The following ZFR variants were observed in gnomAD, a reference collection of about 807,000 sequenced individuals.
ZFR encodes zinc finger RNA-binding protein.
In ZFR, 19 loss-of-function variants were observed where a neutral mutation model predicts 130.7. The observed-to-expected ratio is 0.15, with a 90% confidence interval of 0.10 to 0.21. The LOEUF (loss-of-function observed/expected upper bound fraction) is 0.21. ZFR is among the 10% of genes least tolerant of loss of function. The pLI, the probability that ZFR is intolerant of heterozygous loss-of-function variation, is 1.00. For missense variants in ZFR, 872 were observed against 1,321.5 expected (o/e 0.66, Z 5.27); for synonymous variants, 466 against 456.9 (o/e 1.02, Z -0.25).
chr5:32,395,122 A>G (rs1753272063), intron 11 of ZFR, 37 bp downstream of exon 11: 3 of 1,540,544 alleles, frequency 1.9e-6, no homozygotes, highest in Non-Finnish European at 2.6e-6. Context: ...AGAAAGGCTG[A>G]ACCACTTACC....
chr5:32,402,001 AT>A (rs772068869), intron 8 of ZFR, among the ~76,000 whole-genome samples: 1 of 152,232 alleles, frequency 6.6e-6, no homozygotes, highest in Non-Finnish European at 1.5e-5. Flanking sequence ...ATGGGTTAGA[AT>A]GAGACACATT....
chr5:32,377,196 C>A lies in ZFR; in HGVS notation c.2835+1919G>T, dbSNP rs552229951. 2.0e-5 allele frequency among the ~76,000 whole-genome samples: 3 copies of A among 146,830 alleles called. No homozygotes were observed. In the East Asian group the frequency reaches 6.1e-4, roughly 30 times the overall value. On this transcript the variant is annotated intron_variant, in intron 17 of 19. Coordinates refer to ENST00000265069, the MANE Select transcript of ZFR (RefSeq NM_016107.5). ...AAAAAAAAAAGTGGTAACTTTCCTT[C>A]TCTTTCTTTATTTCTCTTTCTCTCT...
intron 2 of ZFR, among the ~76,000 whole-genome samples, chr5:32,430,079 C>CAGAAA (rs376909635): frequency 1.1e-3 from 78 of 70,308 alleles, no homozygotes; most frequent in Non-Finnish European, 1.8e-3. Flanking sequence ...GACCCTATTT[C>CAGAAA]AAAAAAAAAA....
intron 19 of ZFR, among the ~76,000 whole-genome samples, chr5:32,357,119 A>C (rs562395093): frequency 1.3e-5 from 2 of 151,904 alleles, no homozygotes; most frequent in South Asian, 4.2e-4. Context: ...AGTAGCCAGG[A>C]ACACAGGCTC....
chr5:32,400,346 C>G, intron 8 of ZFR, 143 bp from the exon 9 acceptor site: 1 of 577,966 alleles, frequency 1.7e-6, no homozygotes, highest in Non-Finnish European at 2.7e-6. Context: ...TTTTGAAGAA[C>G]TACATAAACT....
intron 6 of ZFR, among the ~76,000 whole-genome samples, chr5:32,404,818 CTCT>C (rs1452363512): frequency 6.6e-6 from 1 of 151,916 alleles, no homozygotes; most frequent in Admixed American, 6.6e-5. Context: ...CAAATGGTTC[CTCT>C]GTTACTCTTT....
chr5:32,378,065 G>T (rs1487427619), intron 17 of ZFR, among the ~76,000 whole-genome samples: 1 of 152,174 alleles, frequency 6.6e-6, no homozygotes, highest in Admixed American at 6.5e-5. Flanking sequence ...ACAGTGTAAA[G>T]AATATAATTA....
At chr5:32,373,674 A>C (rs1752730586) in intron 17 of ZFR, among the ~76,000 whole-genome samples, 1 of 152,210 alleles carries the variant, frequency 6.6e-6, no homozygotes, top group South Asian at 2.1e-4. Flanking sequence ...CTGATTTTGA[A>C]GAGACAAAAA....
chr5:32,388,734 A>AT (rs967080741), intron 12 of ZFR, 60 bp from the exon 13 acceptor site: 1 of 1,371,408 alleles, frequency 7.3e-7, no homozygotes, highest in Non-Finnish European at 1.0e-6. Flanking sequence ...AGCAAATTAT[A>AT]TTTTTCAACT....
At chr5:32,427,460 A>G (rs191459451) in intron 2 of ZFR, among the ~76,000 whole-genome samples, 1 of 152,192 alleles carries the variant, frequency 6.6e-6, no homozygotes, top group East Asian at 1.9e-4. Context: ...CGTGTGTATT[A>G]AAAACTACAA....
At chr5:32,379,019 G>T (rs1443631644) in intron 17 of ZFR, 96 bp downstream of exon 17, 1 of 869,710 alleles carries the variant, frequency 1.1e-6, no homozygotes, top group Non-Finnish European at 1.8e-6. Flanking sequence ...TTTAGTAAAT[G>T]CAAATAAGGC....
intron 5 of ZFR, among the ~76,000 whole-genome samples, chr5:32,409,382 C>T (rs555127372): frequency 1.3e-5 from 2 of 152,148 alleles, no homozygotes; most frequent in South Asian, 2.1e-4. Context: ...GGTTGTTAAG[C>T]TGTACTGAGT....
chr5:32,393,413 G>A (rs367855107), intron 11 of ZFR, among the ~76,000 whole-genome samples: 2 of 150,480 alleles, frequency 1.3e-5, no homozygotes, highest in Admixed American at 1.3e-4. Flanking sequence ...GCGCGATCTC[G>A]CCTCACCGCA....
At chr5:32,376,337 A>G (rs899059650) in intron 17 of ZFR, among the ~76,000 whole-genome samples, 2 of 151,934 alleles carry the variant, frequency 1.3e-5, no homozygotes, top group African/African-American at 4.8e-5. Context: ...AAATTCGATG[A>G]AAAAAAAGCT....
intron 8 of ZFR, 108 bp downstream of exon 8, chr5:32,402,998 A>C (rs925830552): frequency 3.7e-6 from 4 of 1,080,156 alleles, no homozygotes; most frequent in African/African-American, 3.2e-5. Context: ...GGTCCCAGAG[A>C]GAAGGGAGGA....
chr5:32,424,683 AG>A (rs1754032993), intron 2 of ZFR, among the ~76,000 whole-genome samples: 1 of 152,218 alleles, frequency 6.6e-6, no homozygotes, highest in Admixed American at 6.5e-5. Flanking sequence ...ACTTGAGCCT[AG>A]GAAGATTTTC....
intron 17 of ZFR, 151 bp from the exon 18 acceptor site, chr5:32,364,426 T>A (rs1474025636): frequency 2.0e-6 from 1 of 498,282 alleles, no homozygotes; most frequent in African/African-American, 2.0e-5. Context: ...ACATATAATA[T>A]AAAAACATTC....
At chr5:32,371,013 CT>C (rs2111682151) in intron 17 of ZFR, among the ~76,000 whole-genome samples, 1 of 152,286 alleles carries the variant, frequency 6.6e-6, no homozygotes, top group South Asian at 2.1e-4. Flanking sequence ...AAAAAAGTTA[CT>C]CCTGTTTATG....
At chr5:32,374,272 A>G (rs1752745153) in intron 17 of ZFR, among the ~76,000 whole-genome samples, 1 of 152,104 alleles carries the variant, frequency 6.6e-6, no homozygotes, top group Non-Finnish European at 1.5e-5. Context: ...TTGTGAGGCC[A>G]AGGTGGGCGG....
Sources: gnomAD v4.1 joint callset for allele counts (sites outside exome capture counted in the v4.1 genomes callset) on GRCh38, gnomAD v4.1.1 for gene constraint, MANE v1.5 for transcripts, NCBI Gene and HGNC (gene_info 2026-07-23, HGNC 2026-07-21) for gene names.